AMMECR1: variants seen among roughly 807,000 people sequenced by gnomAD.
The protein encoded by AMMECR1 is AMMECR nuclear protein 1, also known as nuclear protein AMMECR1.
A neutral mutation model predicts 22.5 loss-of-function variants in AMMECR1; 3 were observed. The observed-to-expected ratio is 0.13, with a 90% CI of 0.06 to 0.35. The LOEUF (loss-of-function observed/expected upper bound fraction) is 0.35. Ranked by LOEUF, AMMECR1 falls within the 10% of genes least tolerant of loss-of-function variation. The pLI, the probability that AMMECR1 is intolerant of heterozygous loss-of-function variation, is 1.00. For missense variants in AMMECR1, 235 were observed against 278.7 expected, an observed-to-expected ratio of 0.84 and a Z score of 1.12; for synonymous variants, 130 against 116.7, an observed-to-expected ratio of 1.11 and a Z score of -0.74.
intron 2 of AMMECR1, among the ~76,000 whole-genome samples, chrX:110,323,311 T>G (rs2068086141): frequency 8.9e-6 from 1 of 112,030 alleles, no homozygotes; most frequent in Admixed American, 9.4e-5. Context: ...TTTTAGAATA[T>G]TCATGCAGTT....
chrX:110,317,003 ATAAGTAG>A (rs2068051617), intron 1 of AMMECR1, among the ~76,000 whole-genome samples: 1 of 111,724 alleles, frequency 9.0e-6, no homozygotes, highest in South Asian at 3.8e-4. Context: ...TTGGATAAAA[ATAAGTAG>A]TAAGGGAAAA....
upstream of AMMECR1, chrX:110,318,200 C>G (rs1946518678): frequency 8.5e-6 from 4 of 470,235 alleles, no homozygotes; most frequent in African/African-American, 2.7e-5. Flanking sequence ...GCGCGCCGCT[C>G]CCGGCCCCGT....
intron 3 of AMMECR1, among the ~76,000 whole-genome samples, chrX:110,209,525 T>C (rs927197045): frequency 3.6e-5 from 4 of 112,253 alleles, no homozygotes; most frequent in Admixed American, 1.9e-4. Flanking sequence ...ACAGGAAATC[T>C]AGAAGGTACA....
At chrX:110,436,490 T>C (rs919404639) in intron 1 of AMMECR1, among the ~76,000 whole-genome samples, 4 of 112,176 alleles carry the variant, frequency 3.6e-5, no homozygotes, top group African/African-American at 1.3e-4. Flanking sequence ...CAGAGTCTAC[T>C]TTGACAGGAT....
intron 2 of AMMECR1, among the ~76,000 whole-genome samples, chrX:110,398,723 C>A (rs779784622): frequency 8.9e-6 from 1 of 112,039 alleles, no homozygotes; most frequent in Non-Finnish European, 1.9e-5. Flanking sequence ...CTCTCTGAAC[C>A]TTGAACCCTT....
intron 4 of AMMECR1, among the ~76,000 whole-genome samples, chrX:110,201,449 C>T (rs2067396643): frequency 9.0e-6 from 1 of 111,627 alleles, no homozygotes; most frequent in Admixed American, 9.4e-5. Context: ...GACTCCCACA[C>T]CACCTCACAG....
At chrX:110,434,155 G>A (rs1258498519) in intron 1 of AMMECR1, among the ~76,000 whole-genome samples, 1 of 111,816 alleles carries the variant, frequency 8.9e-6, no homozygotes, top group Non-Finnish European at 1.9e-5. Context: ...GTGTGACAGG[G>A]CCTAGTGCAT....
At chrX:110,269,086 T>A (rs1433584916) in intron 1 of AMMECR1, among the ~76,000 whole-genome samples, 1 of 112,059 alleles carries the variant, frequency 8.9e-6, no homozygotes, top group Non-Finnish European at 1.9e-5. Flanking sequence ...AGTAACCATC[T>A]AATCTAGATG....
chrX:110,320,364 G>T (rs1336618033), upstream of AMMECR1, among the ~76,000 whole-genome samples: 1 of 111,137 alleles, frequency 9.0e-6, no homozygotes, highest in Admixed American at 9.5e-5. Flanking sequence ...CAGACAATAG[G>T]TATCGATTTA....
intron 2 of AMMECR1, among the ~76,000 whole-genome samples, chrX:110,419,303 C>G (rs765218681): frequency 1.8e-5 from 2 of 112,390 alleles, no homozygotes; most frequent in Non-Finnish European, 3.8e-5. Context: ...TGTTCGTGCT[C>G]CTGCCTGGAC....
chrX:110,317,008 T>C (rs2068051642), intron 1 of AMMECR1, among the ~76,000 whole-genome samples: 1 of 110,320 alleles, frequency 9.1e-6, no homozygotes, highest in African/African-American at 3.3e-5. Flanking sequence ...TAAAAATAAG[T>C]AGTAAGGGAA....
intron 2 of AMMECR1, among the ~76,000 whole-genome samples, chrX:110,259,287 A>G (rs1322788658): frequency 8.9e-6 from 1 of 111,842 alleles, no homozygotes; most frequent in Non-Finnish European, 1.9e-5. Context: ...CTAAACTTTC[A>G]TTGCTAATTT....
In AMMECR1 at chrX:110,194,391, T is replaced by A. The variant is rs1188633702; in HGVS notation, c.*4129A>T. ...TAGTTTCTTCAAACTATTAAGCAAT[T>A]AAATGTGGAAGGAAGGAGGGCCTAG... is the stretch of plus-strand genomic sequence containing the variant. On this transcript the variant is annotated 3_prime_UTR_variant, in exon 6 of 6. Transcript: ENST00000262844. The A allele has an allele frequency of 9.0e-6, 1 of 111,635 alleles. No individual in the cohort carries two copies. Among genetic ancestry groups the A allele is most frequent in the Non-Finnish European group, 1.9e-5 (1 of 53,139 alleles). 9.2% of individuals were successfully genotyped at this position (111,635 alleles called of 1,213,427 possible).
At chrX:110,383,487 T>C (rs1339817138) in intron 2 of AMMECR1, among the ~76,000 whole-genome samples, 1 of 111,337 alleles carries the variant, frequency 9.0e-6, no homozygotes, top group African/African-American at 3.3e-5. Flanking sequence ...CACTTTCTTA[T>C]TACTCAGCCT....
chrX:110,312,569 TA>T (rs1221969966), intron 1 of AMMECR1, among the ~76,000 whole-genome samples: 1 of 111,895 alleles, frequency 8.9e-6, no homozygotes, highest in Non-Finnish European at 1.9e-5. Context: ...GAAAGCAAAA[TA>T]AGCATTTTCT....
At chrX:110,272,940 CT>C (rs2067807072) in intron 1 of AMMECR1, among the ~76,000 whole-genome samples, 1 of 111,855 alleles carries the variant, frequency 8.9e-6, no homozygotes, top group African/African-American at 3.3e-5. Flanking sequence ...GGTTCCATGA[CT>C]TTGCTATTGT....
intron 1 of AMMECR1, among the ~76,000 whole-genome samples, chrX:110,298,555 G>A (rs778333757): frequency 1.1e-4 from 12 of 110,975 alleles, no homozygotes; most frequent in Non-Finnish European, 2.3e-4. Context: ...CGAAAAGAAA[G>A]AACACATAAT....
Position 110,265,049 on chromosome X carries a change from G to A in AMMECR1, c.474-450C>T, listed in dbSNP as rs192832297. On this transcript the variant is annotated intron_variant, in intron 1 of 5. Coordinates refer to ENST00000262844, the MANE Select transcript of AMMECR1 (RefSeq NM_015365.3). ...TTTGTAAGTCTAATTTGGAAAATCCGGGATAAAAACCAATGGTTTTCATAA... is the reference window on the plus strand; with the variant it reads ...TTTGTAAGTCTAATTTGGAAAATCCAGGATAAAAACCAATGGTTTTCATAA... Among the ~76,000 whole-genome samples the A allele has an allele frequency of 3.1e-3, 345 of 111,154 alleles. 1 individual carries two copies. The highest frequency in any genetic ancestry group is 0.011 in the African/African-American group (333 of 30,624).
At chrX:110,250,351 ATC>A (rs1349761741) in intron 2 of AMMECR1, among the ~76,000 whole-genome samples, 1 of 111,774 alleles carries the variant, frequency 8.9e-6, no homozygotes, top group African/African-American at 3.3e-5. Context: ...CTATCTTGGA[ATC>A]TCTGGGCTCT....
Sources: gnomAD v4.1 joint callset for allele counts (sites outside exome capture counted in the v4.1 genomes callset) on GRCh38, gnomAD v4.1.1 for gene constraint, MANE v1.5 for transcripts, NCBI Gene and HGNC (gene_info 2026-07-23, HGNC 2026-07-21) for gene names.